HMGCL: variants seen among roughly 807,000 people sequenced by gnomAD.
HMGCL encodes 3-hydroxy-3-methylglutaryl-CoA lyase, also known as hydroxymethylglutaryl-CoA lyase, mitochondrial.
Under a neutral mutation model 37.3 loss-of-function variants are expected in HMGCL, and 26 were observed. The ratio of observed to expected loss-of-function variants is 0.70; its 90% CI spans 0.51 to 0.97. The LOEUF (loss-of-function observed/expected upper bound fraction) is 0.97. HMGCL is among the 50% of genes least tolerant of loss of function. The pLI is 0.00. For missense variants in HMGCL, 379 were observed against 398.1 expected (o/e 0.95, Z 0.41); for synonymous variants, 151 against 148.0 (o/e 1.02, Z -0.15).
At chr1:23,804,120 T>G in intron 8 of HMGCL, 5 of 455,872 alleles carry the variant, frequency 1.1e-5, no homozygotes, top group Non-Finnish European at 4.0e-6. Flanking sequence ...TCTTTTGTTT[T>G]GTTTTGAAGA....
At chr1:23,804,876 A>ACCCCCCCCCCCCCCCCCCCCCCCCCCC (rs138996016) in intron 7 of HMGCL, among the ~76,000 whole-genome samples, 1 of 61,286 alleles carries the variant, frequency 1.6e-5, no homozygotes, top group Admixed American at 1.8e-4. Context: ...TTCATTTATT[A>ACCCCCCCCCCCCCCCCCCCCCCCCCCC]CCCCCCCCCC....
intron 5 of HMGCL, among the ~76,000 whole-genome samples, chr1:23,813,128 G>A (rs1638550424): frequency 6.6e-6 from 1 of 151,218 alleles, no homozygotes; most frequent in African/African-American, 2.4e-5. Context: ...TACCTCAGGT[G>A]ATCTGCCCGC....
At chr1:23,815,646 C>T (rs1229575860) in intron 4 of HMGCL, among the ~76,000 whole-genome samples, 1 of 151,904 alleles carries the variant, frequency 6.6e-6, no homozygotes, top group African/African-American at 2.4e-5. Flanking sequence ...CAGGTACCTG[C>T]CACCAAGCCT....
intron 2 of HMGCL, among the ~76,000 whole-genome samples, chr1:23,818,591 GC>G (rs1382657862): frequency 6.6e-6 from 1 of 150,616 alleles, no homozygotes; most frequent in African/African-American, 2.5e-5. Context: ...TCACTGTATT[GC>G]CCAGAGTGGA....
chr1:23,808,833 C>G (rs374339010), intron 6 of HMGCL, among the ~76,000 whole-genome samples: 58 of 147,982 alleles, frequency 3.9e-4, no homozygotes, highest in African/African-American at 1.4e-3. Flanking sequence ...ACCTTGGCCT[C>G]TCAGACTCAA....
chr1:23,821,766 C>T (rs1040163630), intron 1 of HMGCL, among the ~76,000 whole-genome samples: 1 of 152,146 alleles, frequency 6.6e-6, no homozygotes, highest in Admixed American at 6.6e-5. Context: ...TCACTCGCCC[C>T]TACTGTCCAC....
intron 5 of HMGCL, among the ~76,000 whole-genome samples, chr1:23,811,361 G>T (rs1030074274): frequency 1.3e-5 from 2 of 152,360 alleles, no homozygotes; most frequent in African/African-American, 4.8e-5. Flanking sequence ...AGAGCAGTGG[G>T]CAAGACTGAT....
intron 5 of HMGCL, chr1:23,813,887 G>T: frequency 2.3e-6 from 1 of 435,312 alleles, no homozygotes; most frequent in Non-Finnish European, 4.3e-6. Context: ...GTGCTATCAT[G>T]GCTCACTGCA....
In HMGCL at chr1:23,808,343, C is replaced by G. The variant is rs781149246; in HGVS notation, c.562-20G>C. The G allele has an allele frequency of 3.1e-6, 5 of 1,609,944 alleles. No individual in the cohort carries two copies. The Admixed American group carries it at 8.3e-5, about 27-fold the overall frequency. On this transcript the variant is annotated intron_variant, in intron 6 of 8. Transcript: ENST00000374490. ...GGTGACCTAAGGAAGCAAGCAGGCA[C>G]TTGGAGGATACAGAATCCACCAGCC...
intron 2 of HMGCL, among the ~76,000 whole-genome samples, chr1:23,819,520 G>T (rs1638673243): frequency 6.6e-6 from 1 of 152,108 alleles, no homozygotes; most frequent in Non-Finnish European, 1.5e-5. Context: ...CCTGAGGTCG[G>T]GAGTTCAAGA....
At position 23,820,539 on chromosome 1, in the gene HMGCL, C is replaced by T; in HGVS notation, c.115G>A (p.Gly39Ser). The T allele has an allele frequency of 6.2e-7, 1 of 1,614,044 alleles. No homozygotes were observed. Among genetic ancestry groups the T allele is most frequent in the Middle Eastern group, 1.6e-4 (1 of 6,062 alleles). Residue 39 changes from glycine (G) to serine (S), a missense_variant, in exon 2 of 9, where the codon GGT (glycine) becomes AGT (serine). Transcript: ENST00000374490. ...TCATTTTGTAGTCCATCTCGGGGAC[C>T]AACTTCCACAATTTTCACCCGCTTT... ...LPKRVKIVEV[G>S]PRDGLQNEKN...
intron 2 of HMGCL, 93 bp downstream of exon 2, chr1:23,820,417 C>T: frequency 1.1e-6 from 1 of 878,992 alleles, no homozygotes; most frequent in Non-Finnish European, 1.9e-6. Flanking sequence ...TCACATCTTG[C>T]ATAGCTCTGT....
intron 1 of HMGCL, among the ~76,000 whole-genome samples, 188 bp from the exon 2 acceptor site, chr1:23,820,781 A>T (rs986503340): frequency 6.6e-6 from 1 of 152,258 alleles, no homozygotes; most frequent in African/African-American, 2.4e-5. Context: ...AGTAACAGGA[A>T]CAAGCAAGAG....
Position 23,820,538 on chromosome 1 carries a change from C to T in HMGCL, c.116G>A (p.Gly39Asp). The change falls in exon 2 of 9, where the codon GGT becomes GAT. Residue 39 changes from glycine to aspartate, a missense_variant. Coordinates refer to ENST00000374490, the MANE Select transcript of HMGCL (RefSeq NM_000191.3). ...LPKRVKIVEV[G>D]PRDGLQNEKN... ...TTCATTTTGTAGTCCATCTCGGGGA[C>T]CAACTTCCACAATTTTCACCCGCTT... 1 of 1,613,996 alleles carries T rather than the reference C, an allele frequency of 6.2e-7. No individual in the cohort carries two copies. The highest frequency in any genetic ancestry group is 8.5e-7 in the Non-Finnish European group (1 of 1,179,916).
At position 23,802,471 on chromosome 1, in the gene HMGCL, T is replaced by C; in HGVS notation, c.970A>G (p.Lys324Glu). ...TCAGGTGGGCAAGGGGCTCAGAGTT[T>C]ACAGGTAGCCTGAGCCACTTTGGAG... Reference protein sequence around the residue: ...TSSKVAQATCKL With the variant: ...TSSKVAQATCEL The change falls in exon 9 of 9, where the codon AAA (lysine) becomes GAA (glutamate). Residue 324 changes from lysine (K) to glutamate (E), a missense_variant. Transcript: ENST00000374490. 6.2e-7 allele frequency: 1 copy of C among 1,607,496 alleles called. No homozygotes were observed. The highest frequency in any genetic ancestry group is 1.1e-5 in the South Asian group (1 of 90,940).
intron 5 of HMGCL, 37 bp downstream of exon 5, chr1:23,814,153 G>A (rs377248064): frequency 1.1e-5 from 17 of 1,609,980 alleles, no homozygotes; most frequent in East Asian, 6.7e-5. Context: ...ATTCCAGAAC[G>A]GTACAGAGGA....
At chr1:23,813,232 T>TC (rs1265050881) in intron 5 of HMGCL, among the ~76,000 whole-genome samples, 31 of 142,218 alleles carry the variant, frequency 2.2e-4, no homozygotes, top group Admixed American at 9.1e-4. Flanking sequence ...GCAATGTTTT[T>TC]TTTTTTTTTT....
intron 1 of HMGCL, among the ~76,000 whole-genome samples, chr1:23,822,228 T>C (rs192428443): frequency 4.4e-4 from 67 of 152,202 alleles, no homozygotes; most frequent in Middle Eastern, 6.8e-3. Context: ...TTTCGGGGTA[T>C]GGGCGAGATG....
chr1:23,819,177 C>A (rs936896685), intron 2 of HMGCL, among the ~76,000 whole-genome samples: 4 of 151,956 alleles, frequency 2.6e-5, no homozygotes, highest in Non-Finnish European at 5.9e-5. Context: ...CTTTCTAGAT[C>A]TGTGCAGCCC....
Sources: gnomAD v4.1 joint callset for allele counts (sites outside exome capture counted in the v4.1 genomes callset) on GRCh38, gnomAD v4.1.1 for gene constraint, MANE v1.5 for transcripts, NCBI Gene and HGNC (gene_info 2026-07-23, HGNC 2026-07-21) for gene names.